SKI: variants seen among roughly 807,000 people sequenced by gnomAD.
SKI encodes the protein SKI proto-oncogene.
A neutral mutation model predicts 59.3 loss-of-function variants in SKI; 23 were observed. The ratio of observed to expected loss-of-function variants is 0.39; its 90% CI spans 0.28 to 0.55. The LOEUF (loss-of-function observed/expected upper bound fraction) is 0.55. Among genes scored for constraint, SKI ranks in the 20% least tolerant of loss-of-function variants. The pLI, the probability that SKI is intolerant of heterozygous loss-of-function variation, is 0.67. For missense variants in SKI, 1,017 were observed against 1,038.9 expected (o/e 0.98, Z 0.29); for synonymous variants, 673 against 488.6 (o/e 1.38, Z -4.98).
chr1:2,261,564 C>T (rs1281941098), intron 1 of SKI, among the ~76,000 whole-genome samples: 1 of 152,202 alleles, frequency 6.6e-6, no homozygotes, highest in Non-Finnish European at 1.5e-5. Context: ...ATATAAACGG[C>T]CACTACAGTT....
intron 1 of SKI, among the ~76,000 whole-genome samples, chr1:2,247,822 C>T (rs774846097): frequency 2.0e-4 from 31 of 152,206 alleles, no homozygotes; most frequent in Admixed American, 3.9e-4. Context: ...GTCTGGCTCT[C>T]GGGAAGGGGC....
rs764537708 is a variant in SKI at position 2,303,101 on chromosome 1, A to G, written c.1093A>G (p.Lys365Glu). ...WLRTLAGSSN[K>E]SLGCVHPRQR... is the part of the protein sequence containing the mutation. ...GCGGACCTTGGCCGGCTCTTCCAAT[A>G]AGGTGCTGTGGGGCCTGTCGGGGTC... Residue 365 changes from lysine (K) to glutamate (E), a missense_variant and splice_region_variant, in exon 2 of 7, where the codon AAG becomes GAG. Transcript: ENST00000378536. The surrounding 1 kb of genome is among the most constrained non-coding windows in gnomAD (Gnocchi z 5.6). The G allele has an allele frequency of 2.0e-5, 33 of 1,613,162 alleles. No homozygotes were observed. In the South Asian group the frequency reaches 3.6e-4, roughly 18 times the overall value.
At chr1:2,271,542 CG>C (rs1427254736) in intron 1 of SKI, among the ~76,000 whole-genome samples, 2 of 152,202 alleles carry the variant, frequency 1.3e-5, no homozygotes, top group African/African-American at 4.8e-5. Flanking sequence ...CGGCTGCCCT[CG>C]GCAGGGGCTT....
chr1:2,256,118 G>A (rs1257223493), intron 1 of SKI, among the ~76,000 whole-genome samples: 4 of 149,746 alleles, frequency 2.7e-5, no homozygotes, highest in Admixed American at 2.7e-4. Flanking sequence ...CCACTCTTGT[G>A]TCCTGACCTC....
chr1:2,297,573 T>TG (rs1433982445), intron 1 of SKI, among the ~76,000 whole-genome samples: 1 of 152,226 alleles, frequency 6.6e-6, no homozygotes, highest in Admixed American at 6.5e-5. Flanking sequence ...GGAGGCTTCT[T>TG]GGTGCCTACA....
At chr1:2,236,202 G>A (rs1257371788) in intron 1 of SKI, among the ~76,000 whole-genome samples, 4 of 152,156 alleles carry the variant, frequency 2.6e-5, no homozygotes, top group Non-Finnish European at 5.9e-5. Context: ...CTCACTGGCC[G>A]TGGGGGTTGT....
chr1:2,301,021 TGAGTCTCCCGGA>T (rs1453404423), intron 1 of SKI, among the ~76,000 whole-genome samples: 8 of 152,220 alleles, frequency 5.3e-5, no homozygotes, highest in Admixed American at 5.2e-4. Context: ...AAGGAGTCTC[TGAGTCTCCCGGA>T]GTCAGCGCCG....
intron 4 of SKI, 69 bp downstream of exon 4, chr1:2,304,171 G>A: frequency 1.3e-6 from 2 of 1,591,880 alleles, no homozygotes; most frequent in Non-Finnish European, 1.7e-6. Flanking sequence ...GAGGGGGGCT[G>A]GTCGCCGGGG....
Position 2,272,850 on chromosome 1 carries a change from G to A in SKI, c.970-30128G>A, listed in dbSNP as rs370989540. The stretch of plus-strand genomic sequence containing the variant: ...CCCGAGCCTCCCCCTCCCACGCCCC[G>A]AGCCTCGCCCTCCCACGCCCCTCCT... On this transcript the variant is annotated intron_variant, in intron 1 of 6. Coordinates refer to ENST00000378536, the MANE Select transcript of SKI (RefSeq NM_003036.4). Among the ~76,000 whole-genome samples the A allele has an allele frequency of 5.5e-3, 832 of 152,048 alleles. 7 individuals carry two copies. Among genetic ancestry groups the A allele is most frequent in the African/African-American group, 0.019 (780 of 41,480 alleles).
Position 2,229,400 on chromosome 1 carries a change from G to T in SKI, c.634G>T (p.Glu212Ter). 6.2e-7 allele frequency: 1 copy of T among 1,608,538 alleles called. No homozygotes were observed. The highest frequency in any genetic ancestry group is 1.1e-5 in the South Asian group (1 of 90,570). Residue 212 changes from glutamate (E) to a stop codon, truncating the protein, a stop_gained, in exon 1 of 7, where the codon GAG becomes TAG. Coordinates refer to ENST00000378536, the MANE Select transcript of SKI (RefSeq NM_003036.4). LOFTEE classifies it high-confidence loss of function. The surrounding 1 kb of genome is among the most constrained non-coding windows in gnomAD (Gnocchi z 6.3). Reference sequence around the variant, plus strand: ...GGCCGCCAGCCTGGCGCTGGGCCTGGAGCTCAGCGAGCGCAGCGTCCGCGT... The same window carrying T: ...GGCCGCCAGCCTGGCGCTGGGCCTGTAGCTCAGCGAGCGCAGCGTCCGCGT... ...ELAASLALGL[E>*]LSERSVRVYH...
rs2945574 is a variant in SKI, at chr1:2,228,712, C to T, written c.-55C>T. 1.4e-5 allele frequency: 14 copies of T among 981,110 alleles called. No individual in the cohort carries two copies. Among genetic ancestry groups the T allele is most frequent in the Non-Finnish European group, 1.7e-5 (14 of 827,346 alleles). The allele number at this position is 981,110 out of a possible 1,614,324, so 60.8% of individuals were successfully genotyped here. On this transcript the variant is annotated 5_prime_UTR_variant, in exon 1 of 7. Coordinates refer to ENST00000378536, the MANE Select transcript of SKI (RefSeq NM_003036.4). ...GGGGCGCGCGGGGCGGCGGCGGGGG[C>T]CGGGGGGGCCCGGGCGCGCGGGAGC... is the stretch of plus-strand genomic sequence containing the variant.
intron 1 of SKI, among the ~76,000 whole-genome samples, chr1:2,290,760 C>T (rs1025782206): frequency 3.3e-5 from 5 of 152,186 alleles, no homozygotes; most frequent in African/African-American, 4.8e-5. Flanking sequence ...GTTGGGCTTG[C>T]GGAGCCGTCC....
At chr1:2,259,663 A>T (rs1042592110) in intron 1 of SKI, among the ~76,000 whole-genome samples, 1 of 152,214 alleles carries the variant, frequency 6.6e-6, no homozygotes, top group Non-Finnish European at 1.5e-5. Flanking sequence ...TGCCGTCCAG[A>T]TGATGAACCT....
At chr1:2,262,272 G>A (rs1375047386) in intron 1 of SKI, among the ~76,000 whole-genome samples, 1 of 146,398 alleles carries the variant, frequency 6.8e-6, no homozygotes, top group African/African-American at 2.6e-5. Flanking sequence ...GGTCTGGAAG[G>A]CGTGGAATCA....
At position 2,254,581 on chromosome 1, in the gene SKI, C is replaced by T. The variant is rs116166549; in HGVS notation, c.969+24846C>T. 6.8e-3 allele frequency among the ~76,000 whole-genome samples: 1,037 copies of T among 152,332 alleles called. 13 individuals carry two copies. The highest frequency in any genetic ancestry group is 0.022 in the African/African-American group (927 of 41,564). ...TCAGCCTGTCCTTGTGTGCAGTGAC[C>T]GGTCTACCTGTCTGGCCTTGTGCCT... On this transcript the variant is annotated intron_variant, in intron 1 of 6. Coordinates refer to ENST00000378536, the MANE Select transcript of SKI (RefSeq NM_003036.4).
chr1:2,272,128 C>T (rs919102886), intron 1 of SKI, among the ~76,000 whole-genome samples: 4 of 152,198 alleles, frequency 2.6e-5, no homozygotes, highest in African/African-American at 7.2e-5. Flanking sequence ...GTCACTGCCC[C>T]GATTTTTATT....
In SKI at chr1:2,306,645, G is replaced by A. The variant is rs1489819534; in HGVS notation, c.2067G>A (p.Leu689=). 6.5e-7 allele frequency: 1 copy of A among 1,545,142 alleles called. No homozygotes were observed. Among genetic ancestry groups the A allele is most frequent in the Non-Finnish European group, 8.7e-7 (1 of 1,145,420 alleles). ...GGGAGCAGCTGCGGGCCGACCTGCT[G>A]CGGGAGCGCGAGGCCCGGGAGCACC... ...ADREQLRADL[L]REREAREHLE... is the part of the protein sequence containing the mutation. Residue 689 remains leucine (L), a synonymous_variant, in exon 7 of 7, where the codon CTG becomes CTA. Transcript: ENST00000378536.
intron 1 of SKI, among the ~76,000 whole-genome samples, chr1:2,235,013 C>T (rs1481564154): frequency 1.3e-5 from 2 of 150,580 alleles, no homozygotes; most frequent in Admixed American, 6.6e-5. Flanking sequence ...CTGTCACCCT[C>T]GTGGTCTGGA....
Position 2,229,652 on chromosome 1 carries a change from G to A in SKI, c.886G>A (p.Glu296Lys). The A allele has an allele frequency of 3.1e-6, 5 of 1,611,786 alleles. No individual in the cohort carries two copies. The highest frequency in any genetic ancestry group is 3.4e-6 in the Non-Finnish European group (4 of 1,179,542). ...LLSQDYTGKEEQARLGRCLDD... is the reference protein window; with the variant it reads ...LLSQDYTGKEKQARLGRCLDD... The stretch of plus-strand genomic sequence containing the variant: ...GAGCCAGGATTACACGGGCAAGGAG[G>A]AGCAGGCGCGCCTCGGCCGCTGCCT... The change falls in exon 1 of 7, where the codon GAG becomes AAG. Residue 296 changes from glutamate to lysine, a missense_variant. Coordinates refer to ENST00000378536, the MANE Select transcript of SKI (RefSeq NM_003036.4). This position sits in a 1 kb window ranked among gnomAD's most constrained non-coding sequence, Gnocchi z 6.3.
Sources: gnomAD v4.1 joint callset for allele counts (sites outside exome capture counted in the v4.1 genomes callset) on GRCh38, gnomAD v4.1.1 for gene constraint, Gnocchi (gnomAD v3.1) non-coding constraint, MANE v1.5 for transcripts, NCBI Gene and HGNC (gene_info 2026-07-23, HGNC 2026-07-21) for gene names.